The following ANGPTL2 variants were observed in gnomAD, a reference collection of about 807,000 sequenced individuals.
ANGPTL2 encodes the protein angiopoietin-related protein 2.
In ANGPTL2, 25 loss-of-function variants were observed where a neutral mutation model predicts 52.8. The ratio of observed to expected loss-of-function variants is 0.47; its 90% CI spans 0.35 to 0.66. The LOEUF is 0.66. Among genes scored for constraint, ANGPTL2 ranks in the 30% least tolerant of loss-of-function variants. The pLI, the probability that ANGPTL2 is intolerant of heterozygous loss-of-function variation, is 0.01. For synonymous variants in ANGPTL2, 276 were observed against 277.4 expected, an observed-to-expected ratio of 1.00 and a Z score of 0.05; for missense variants, 546 against 656.9, an observed-to-expected ratio of 0.83 and a Z score of 1.84.
At chr9:127,111,192 G>A (rs936656087) in intron 1 of ANGPTL2, among the ~76,000 whole-genome samples, 3 of 151,916 alleles carry the variant, frequency 2.0e-5, no homozygotes, top group Non-Finnish European at 4.4e-5. Flanking sequence ...ATACTTGCTG[G>A]TCCCTGCCCC....
Position 127,089,079 on chromosome 9 carries a change from G to A in ANGPTL2, c.1342C>T (p.Leu448Phe). ...WWYNACAHSN[L>F]NGVWYRGGHY... ...CCCCCGCGGTACCAGACCCCGTTGA[G>A]GTTGGAGTGGGCACAGGCGTTATAC... The change falls in exon 5 of 5, where the codon CTC becomes TTC. Residue 448 changes from leucine (L) to phenylalanine (F), a missense_variant. Leu to Phe is a conservative substitution (Grantham distance 22, BLOSUM62 0). Around this residue, in one of 2 missense-constraint regions of ANGPTL2, gnomAD observed 261 missense variants for 361.0 expected, o/e 0.72. Coordinates refer to ENST00000373425, the MANE Select transcript of ANGPTL2 (RefSeq NM_012098.3). The A allele has an allele frequency of 6.2e-7, 1 of 1,614,248 alleles. No individual in the cohort carries two copies. The highest frequency in any genetic ancestry group is 8.5e-7 in the Non-Finnish European group (1 of 1,180,044).
chr9:127,103,121 CTTGA>C (rs1440686230), intron 2 of ANGPTL2, among the ~76,000 whole-genome samples: 7 of 152,244 alleles, frequency 4.6e-5, no homozygotes, highest in African/African-American at 1.7e-4. Context: ...TGGTTGCTTG[CTTGA>C]CCTCCAGAAA....
At chr9:127,098,014 T>G (rs1217800500) in intron 2 of ANGPTL2, among the ~76,000 whole-genome samples, 1 of 152,220 alleles carries the variant, frequency 6.6e-6, no homozygotes, top group Non-Finnish European at 1.5e-5. Context: ...GATTATCCCT[T>G]TCTGTTTCCT....
intron 2 of ANGPTL2, among the ~76,000 whole-genome samples, chr9:127,100,652 C>G (rs987986170): frequency 2.0e-5 from 3 of 152,160 alleles, no homozygotes; most frequent in African/African-American, 7.2e-5. Flanking sequence ...CAGGGTTCCA[C>G]AGGCACACTA....
chr9:127,090,926 G>GT (rs546280982), intron 4 of ANGPTL2, among the ~76,000 whole-genome samples: 21 of 152,130 alleles, frequency 1.4e-4, no homozygotes, highest in Non-Finnish European at 2.1e-4. Flanking sequence ...CTGATTTTCT[G>GT]TTTTTTTCTC....
intron 1 of ANGPTL2, among the ~76,000 whole-genome samples, chr9:127,115,912 G>A (rs966407237): frequency 2.0e-5 from 3 of 152,216 alleles, no homozygotes; most frequent in Admixed American, 1.3e-4. Flanking sequence ...GGAGGCCAGG[G>A]AGGGCATATC....
At chr9:127,109,761 C>A (rs2054614356) in intron 1 of ANGPTL2, among the ~76,000 whole-genome samples, 1 of 152,224 alleles carries the variant, frequency 6.6e-6, no homozygotes, top group African/African-American at 2.4e-5. Context: ...GCTTTCACAT[C>A]ATTATGCCAT....
At position 127,108,590 on chromosome 9, in the gene ANGPTL2, C is replaced by T; in HGVS notation, c.142G>A (p.Gly48Ser). 6.8e-6 allele frequency: 11 copies of T among 1,613,554 alleles called. No homozygotes were observed. The highest frequency in any genetic ancestry group is 8.5e-6 in the Non-Finnish European group (10 of 1,179,892). ...TAGGTGCACTTGTCCTGGGACTCGCCCGCCCGCTTGTACCTGTTTAGGTAA... is the reference window on the plus strand; with the variant it reads ...TAGGTGCACTTGTCCTGGGACTCGCTCGCCCGCTTGTACCTGTTTAGGTAA... ...FIYLNRYKRAGESQDKCTYTF... is the reference protein window; with the variant it reads ...FIYLNRYKRASESQDKCTYTF... Residue 48 changes from glycine to serine, a missense_variant, in exon 2 of 5, where the codon GGC becomes AGC. Around this residue, in one of 2 missense-constraint regions of ANGPTL2, gnomAD observed 285 missense variants for 295.8 expected, o/e 0.96. Transcript: ENST00000373425.
At chr9:127,111,999 T>TG (rs2054863380) in intron 1 of ANGPTL2, among the ~76,000 whole-genome samples, 1 of 152,238 alleles carries the variant, frequency 6.6e-6, no homozygotes, top group African/African-American at 2.4e-5. Context: ...TGAACCCCTT[T>TG]GGGGGCTTCT....
Position 127,108,675 on chromosome 9 carries a change from A to G in ANGPTL2, c.57T>C (p.Ala19=). 1 of 1,613,384 alleles carries G rather than the reference A, an allele frequency of 6.2e-7. No individual in the cohort carries two copies. The highest frequency in any genetic ancestry group is 1.7e-4 in the Middle Eastern group (1 of 5,908). ...WWLGLLAAMG[A]VAGQEDGFEG... The stretch of plus-strand genomic sequence containing the variant: ...CAAAACCGTCCTCCTGGCCTGCAAC[A>G]GCTCCCATGGCAGCCAGCAGTCCGA... The change falls in exon 2 of 5, where the codon GCT becomes GCC. Residue 19 remains alanine (A), a synonymous_variant. Transcript: ENST00000373425.
intron 2 of ANGPTL2, among the ~76,000 whole-genome samples, chr9:127,101,518 C>T (rs1013513370): frequency 2.0e-5 from 3 of 152,202 alleles, no homozygotes; most frequent in African/African-American, 7.2e-5. Flanking sequence ...ACCCTCCATC[C>T]TTCACCATCC....
At chr9:127,105,794 G>A (rs1403301413) in intron 2 of ANGPTL2, among the ~76,000 whole-genome samples, 1 of 152,212 alleles carries the variant, frequency 6.6e-6, no homozygotes, top group Non-Finnish European at 1.5e-5. Context: ...TGCACCTGCC[G>A]TCTACCCCAG....
At chr9:127,101,925 G>A (rs1043930310) in intron 2 of ANGPTL2, among the ~76,000 whole-genome samples, 2 of 152,014 alleles carry the variant, frequency 1.3e-5, no homozygotes, top group African/African-American at 4.8e-5. Flanking sequence ...TTAAACAAAG[G>A]ATCACATAAA....
At chr9:127,095,886 C>A (rs973754229) in intron 2 of ANGPTL2, among the ~76,000 whole-genome samples, 1 of 152,222 alleles carries the variant, frequency 6.6e-6, no homozygotes, top group Non-Finnish European at 1.5e-5. Context: ...TAGAACCTGA[C>A]GGGAAGGCAG....
At position 127,091,627 on chromosome 9, in the gene ANGPTL2, C is replaced by CT; in HGVS notation, c.1282+42dup. On this transcript the variant is annotated intron_variant, in intron 4 of 4. Coordinates refer to ENST00000373425, the MANE Select transcript of ANGPTL2 (RefSeq NM_012098.3). The surrounding 1 kb of genome is among the most constrained non-coding windows in gnomAD (Gnocchi z 4.3). ...CAGGGGCTCTGGCTCTGGTTGACCT[C>CT]TTTTCCCTACCCTGCACCTGGGTTT... 1 of 1,592,370 alleles carries CT rather than the reference C, an allele frequency of 6.3e-7. No individual in the cohort carries two copies. Among genetic ancestry groups the CT allele is most frequent in the East Asian group, 2.2e-5 (1 of 44,594 alleles).
rs149621875 is a variant in ANGPTL2 at position 127,114,638 on chromosome 9, G to A, written c.-49-5858C>T. Among the ~76,000 whole-genome samples the A allele has an allele frequency of 8.5e-5, 13 of 152,276 alleles. No homozygotes were observed. In the East Asian group the frequency reaches 9.6e-4, roughly 11 times the overall value. On this transcript the variant is annotated intron_variant, in intron 1 of 4. Transcript: ENST00000373425. ...TTACAGAACCACCCCCTCACCACCC[G>A]TCCTCTGGTCAGCACTGCCCATTGG...
intron 1 of ANGPTL2, among the ~76,000 whole-genome samples, chr9:127,119,678 C>T (rs1299798017): frequency 6.6e-6 from 1 of 152,170 alleles, no homozygotes; most frequent in Admixed American, 6.5e-5. Flanking sequence ...GATGGAGGGC[C>T]AGATGGAGGA....
chr9:127,090,479 G>A (rs906040584), intron 4 of ANGPTL2, among the ~76,000 whole-genome samples: 2 of 152,234 alleles, frequency 1.3e-5, no homozygotes, highest in African/African-American at 4.8e-5. Flanking sequence ...GCGGACAGAG[G>A]TGTCTGTGTG....
chr9:127,107,451 C>G (rs946233358), intron 2 of ANGPTL2, among the ~76,000 whole-genome samples: 1 of 152,224 alleles, frequency 6.6e-6, no homozygotes, highest in Non-Finnish European at 1.5e-5. Flanking sequence ...TGCCCAGCCC[C>G]TACAATGTGT....
Sources: gnomAD v4.1 joint callset for allele counts (sites outside exome capture counted in the v4.1 genomes callset) on GRCh38, gnomAD v4.1.1 for gene constraint, gnomAD v4.1.1 regional missense constraint, Gnocchi (gnomAD v3.1) non-coding constraint, MANE v1.5 for transcripts, NCBI Gene and HGNC (gene_info 2026-07-23, HGNC 2026-07-21) for gene names.